The following TMC5 variants were observed in gnomAD, a reference collection of about 807,000 sequenced individuals.
TMC5 encodes transmembrane channel like 5.
Under a neutral mutation model 110.5 loss-of-function variants are expected in TMC5, and 86 were observed. That is an observed-to-expected ratio of 0.78 (90% CI 0.65 to 0.93). The LOEUF is 0.93. Among genes scored for constraint, TMC5 ranks in the 40% least tolerant of loss-of-function variants. The pLI is 0.00. For synonymous variants in TMC5, 455 were observed against 439.5 expected (o/e 1.04, Z -0.44); for missense variants, 1,144 against 1,222.8 (o/e 0.94, Z 0.96).
chr16:19,429,199 G>A (rs2269433), intron 1 of TMC5, among the ~76,000 whole-genome samples: 131,124 of 152,064 alleles, frequency 0.86, 56,736 homozygotes, highest in African/African-American at 0.93. Flanking sequence ...CTAAGCATAG[G>A]CCTCATTTTC....
chr16:19,497,109 T>C lies in TMC5; in HGVS notation c.2932-12T>C. 1 of 1,614,024 alleles carries C rather than the reference T, an allele frequency of 6.2e-7. No individual in the cohort carries two copies. Among genetic ancestry groups the C allele is most frequent in the Admixed American group, 1.7e-5 (1 of 59,992 alleles). On this transcript the variant is annotated splice_polypyrimidine_tract_variant and intron_variant, in intron 20 of 21. Coordinates refer to ENST00000542583, the MANE Select transcript of TMC5 (RefSeq NM_001261841.2). ...CCTCCGTGACGTGGCTGCTTGTTTT[T>C]TTCTTTTTCAGCAACAAGGCTTTTT...
Position 19,477,498 on chromosome 16 carries a change from G to T in TMC5, c.2149G>T (p.Val717Leu). 1 of 1,610,958 alleles carries T rather than the reference G, an allele frequency of 6.2e-7. No individual in the cohort carries two copies. Among genetic ancestry groups the T allele is most frequent in the East Asian group, 2.2e-5 (1 of 44,804 alleles). Residue 717 changes from valine (V) to leucine (L), a missense_variant, in exon 13 of 22, where the codon GTG (valine) becomes TTG (leucine). Transcript: ENST00000542583. ...TCTTTGTTACTATTGGCTCAACACC[G>T]TGGCCCTGTCTGGTGAAGAGGTGAG... ...GILCYYWLNT[V>L]ALSGEECWET... is the part of the protein sequence containing the mutation.
intron 4 of TMC5, among the ~76,000 whole-genome samples, chr16:19,447,372 C>A (rs1967637775): frequency 6.6e-6 from 1 of 152,104 alleles, no homozygotes; most frequent in Non-Finnish European, 1.5e-5. Flanking sequence ...TGTCATATTC[C>A]ATTGTTCAAA....
exon 1 of TMC5, chr16:19,411,143 T>C (rs112505406): frequency 2.0e-5 from 3 of 152,374 alleles, no homozygotes; most frequent in African/African-American, 7.2e-5. Flanking sequence ...ATCGCACCCG[T>C]TTCTCAGGTG....
rs559023777 is a variant in TMC5 at position 19,466,345 on chromosome 16, C to T, written c.1637+112C>T. The T allele has an allele frequency of 4.4e-5, 48 of 1,087,900 alleles. No homozygotes were observed. In the South Asian group the frequency reaches 5.9e-4, roughly 13 times the overall value. 67.4% of individuals were successfully genotyped at this position (1,087,900 alleles called of 1,614,324 possible). On this transcript the variant is annotated intron_variant, in intron 9 of 21. Coordinates refer to ENST00000542583, the MANE Select transcript of TMC5 (RefSeq NM_001261841.2). ...AGTTTCTCTGCAGTCCTCTCCTCTCCTCTCCTCTCTTTTCTTTTCTTTCTT... is the reference window on the plus strand; with the variant it reads ...AGTTTCTCTGCAGTCCTCTCCTCTCTTCTCCTCTCTTTTCTTTTCTTTCTT...
rs747669584 is a variant in TMC5, at chr16:19,474,184, C to T, written c.1998C>T (p.Cys666=). Residue 666 remains cysteine, a synonymous_variant, in exon 12 of 22, where the codon TGC becomes TGT. Coordinates refer to ENST00000542583, the MANE Select transcript of TMC5 (RefSeq NM_001261841.2). ...AVLLLPFVVS[C]INLAVPCIYS... is the part of the protein sequence containing the mutation. ...TGTTACTGCCTTTCGTTGTGTCCTG[C>T]ATTAATCTGGCCGTGCCATGCATCT... is the stretch of plus-strand genomic sequence containing the variant. 7.4e-6 allele frequency: 12 copies of T among 1,613,958 alleles called. No individual in the cohort carries two copies. Among genetic ancestry groups the T allele is most frequent in the Non-Finnish European group, 9.3e-6 (11 of 1,179,984 alleles).
upstream of TMC5, among the ~76,000 whole-genome samples, chr16:19,413,523 CAAAAAAAAAAA>C (rs869158130): frequency 1.5e-3 from 78 of 52,974 alleles, 1 homozygote; most frequent in Middle Eastern, 8.6e-3. Context: ...AACCCTGCCT[CAAAAAAAAAAA>C]AAAAAAAAAA....
intron 2 of TMC5, among the ~76,000 whole-genome samples, chr16:19,438,601 G>T (rs946734133): frequency 3.3e-5 from 5 of 151,568 alleles, no homozygotes; most frequent in Admixed American, 2.6e-4. Flanking sequence ...ACAAAAATTA[G>T]CTGGACATGA....
intron 5 of TMC5, among the ~76,000 whole-genome samples, chr16:19,457,446 T>C (rs1380206764): frequency 6.6e-6 from 1 of 152,112 alleles, no homozygotes. Context: ...GTGGTTGAAC[T>C]AAGGAAGCCA....
chr16:19,438,423 A>AAGAG (rs368486492), intron 2 of TMC5, among the ~76,000 whole-genome samples: 126 of 38,158 alleles, frequency 3.3e-3, no homozygotes, highest in Non-Finnish European at 4.2e-3. Flanking sequence ...AAAGAAAAGA[A>AAGAG]AAAGAAAGAA....
At chr16:19,434,308 TTATA>T (rs1168510965) in intron 2 of TMC5, among the ~76,000 whole-genome samples, 1 of 105,840 alleles carries the variant, frequency 9.4e-6, no homozygotes, top group Non-Finnish European at 1.9e-5. Context: ...ATGATCTATA[TTATA>T]TATATAATAT....
intron 5 of TMC5, among the ~76,000 whole-genome samples, 188 bp from the exon 6 acceptor site, chr16:19,460,047 C>T: frequency 6.6e-6 from 1 of 151,836 alleles, no homozygotes; most frequent in Non-Finnish European, 1.5e-5. Flanking sequence ...AGCCATTATT[C>T]ATTTGCTCTC....
At chr16:19,455,759 C>T (rs1019539733) in intron 5 of TMC5, among the ~76,000 whole-genome samples, 8 of 152,100 alleles carry the variant, frequency 5.3e-5, no homozygotes, top group Non-Finnish European at 1.2e-4. Flanking sequence ...TATGTCTGCA[C>T]AGGAAATGGA....
chr16:19,493,466 T>TCTCTCTCTTTC (rs563230178), intron 19 of TMC5, among the ~76,000 whole-genome samples: 2,916 of 124,304 alleles, frequency 0.023, 49 homozygotes, highest in Non-Finnish European at 0.031. Flanking sequence ...TCTCTCTCTC[T>TCTCTCTCTTTC]TTTTTTTTTT....
intron 12 of TMC5, chr16:19,474,696 G>T: frequency 5.7e-6 from 1 of 174,396 alleles, no homozygotes; most frequent in Non-Finnish European, 1.2e-5. Context: ...AGTGAAGTGT[G>T]TTTGTGTGGT....
At position 19,422,743 on chromosome 16, in the gene TMC5, G is replaced by A. The variant is rs1395068525; in HGVS notation, c.-308+4651G>A. Among the ~76,000 whole-genome samples, 3 of 152,014 alleles carry A rather than the reference G, an allele frequency of 2.0e-5. No individual in the cohort carries two copies. In the East Asian group the frequency reaches 5.8e-4, roughly 29 times the overall value. ...TGGGGGGCCGAGGTGGGTGGATCAT[G>A]AGGTCAGGCCTGGCCAACATGGTGA... On this transcript the variant is annotated intron_variant, in intron 1 of 21. Transcript: ENST00000542583.
intron 13 of TMC5, among the ~76,000 whole-genome samples, chr16:19,478,880 A>G (rs1968550087): frequency 6.6e-6 from 1 of 152,156 alleles, no homozygotes; most frequent in South Asian, 2.1e-4. Context: ...AGCCAAATCT[A>G]AAAGCTCCCA....
At chr16:19,447,273 A>G (rs1967635546) in intron 4 of TMC5, among the ~76,000 whole-genome samples, 1 of 152,008 alleles carries the variant, frequency 6.6e-6, no homozygotes, top group Admixed American at 6.6e-5. Flanking sequence ...ATGTCTTCCC[A>G]TGCCGTAAGC....
intron 4 of TMC5, among the ~76,000 whole-genome samples, chr16:19,446,704 C>G (rs1040721281): frequency 4.6e-5 from 7 of 152,176 alleles, no homozygotes; most frequent in Admixed American, 3.3e-4. Flanking sequence ...TCTTATTTAC[C>G]CTGCATTACT....
Sources: gnomAD v4.1 joint callset for allele counts (sites outside exome capture counted in the v4.1 genomes callset) on GRCh38, gnomAD v4.1.1 for gene constraint, MANE v1.5 for transcripts, NCBI Gene and HGNC (gene_info 2026-07-23, HGNC 2026-07-21) for gene names.